The following SFXN3 variants were observed in gnomAD, a reference collection of about 807,000 sequenced individuals.
The protein encoded by SFXN3 is sideroflexin-3.
A neutral mutation model predicts 40.4 loss-of-function variants in SFXN3; 31 were observed. That is an observed-to-expected ratio of 0.77 (90% confidence interval 0.58 to 1.04). SFXN3 has a LOEUF of 1.04. Among genes scored for constraint, SFXN3 ranks in the 50% least tolerant of loss-of-function variants. The pLI is 0.00. For synonymous variants in SFXN3, 157 were observed against 160.0 expected (o/e 0.98, Z 0.14); for missense variants, 366 against 408.2 (o/e 0.90, Z 0.89).
intron 2 of SFXN3, 96 bp from the exon 3 acceptor site, chr10:101,034,596 A>C: frequency 1.5e-6 from 2 of 1,335,882 alleles, no homozygotes; most frequent in Non-Finnish European, 2.1e-6. Context: ...GACTGATGAT[A>C]AGCTCAGGGG....
chr10:101,033,656 C>G (rs185335964), intron 2 of SFXN3, among the ~76,000 whole-genome samples: 1 of 152,118 alleles, frequency 6.6e-6, no homozygotes, highest in South Asian at 2.1e-4. Flanking sequence ...AGGGGACCGG[C>G]GTTCAGCATA....
rs1938195372 is a variant in SFXN3, at chr10:101,031,545, A to G, written c.-173+11A>G. ...CTGTGTGGTGGCTGGGTGAGTTGTGAGTATGTGCGTGGCGGAGGGGGTGCC... is the reference window on the plus strand; with the variant it reads ...CTGTGTGGTGGCTGGGTGAGTTGTGGGTATGTGCGTGGCGGAGGGGGTGCC... On this transcript the variant is annotated intron_variant, in intron 1 of 11. Coordinates refer to ENST00000393459, the Ensembl canonical transcript of SFXN3. 1 of 152,250 alleles carries G rather than the reference A, an allele frequency of 6.6e-6. No homozygotes were observed. Among genetic ancestry groups the G allele is most frequent in the Non-Finnish European group, 1.5e-5 (1 of 68,174 alleles). 9.4% of individuals were successfully genotyped at this position (152,250 alleles called of 1,614,324 possible).
Position 101,035,777 on chromosome 10 carries a change from C to T in SFXN3, c.332+110C>T, listed in dbSNP as rs1029760318. ...GGTGAGTGAAAGATTGTGTCAGAAT[C>T]GCTTCCATTCCTCAGAATTCAGCCT... On this transcript the variant is annotated intron_variant, in intron 4 of 11. Transcript: ENST00000393459. 3.5e-5 allele frequency: 50 copies of T among 1,421,104 alleles called. No individual in the cohort carries two copies. The East Asian group carries it at 4.6e-4, about 13-fold the overall frequency. The allele number at this position is 1,421,104 out of a possible 1,614,324, so 88.0% of individuals were successfully genotyped here.
chr10:101,032,389 C>A, exon 2 of SFXN3: 2 of 1,429,290 alleles, frequency 1.4e-6, no homozygotes, highest in Non-Finnish European at 1.9e-6. Flanking sequence ...CGGCGTCACG[C>A]GTGACGTCCC....
chr10:101,035,547 A>G (rs1465109407), exon 4 of SFXN3: 1 of 1,613,762 alleles, frequency 6.2e-7, no homozygotes, highest in Admixed American at 1.7e-5. Flanking sequence ...TGGAGGGCCA[A>G]GTATGTGTAT....
rs1283110168 is a variant in SFXN3, at chr10:101,036,421, C to T, written c.432-65C>T. ...CATGTATTGAGGACTTGGCATATCC[C>T]TAAAGGAAAGGGCCACCTGCTGGAC... On this transcript the variant is annotated intron_variant, in intron 5 of 11. Transcript: ENST00000393459. This position sits in a 1 kb window ranked among gnomAD's most constrained non-coding sequence, Gnocchi z 4.2. The T allele has an allele frequency of 1.8e-5, 28 of 1,526,012 alleles. No homozygotes were observed. The highest frequency in any genetic ancestry group is 1.7e-4 in the Middle Eastern group (1 of 5,910). 94.5% of individuals were successfully genotyped at this position (1,526,012 alleles called of 1,614,324 possible). A position where few individuals can be genotyped will look rare whatever the true frequency, so the allele number is the denominator to read the frequency against.
At chr10:101,031,592 C>T (rs1938202088) in intron 1 of SFXN3, 58 bp downstream of exon 1, 1 of 109,306 alleles carries the variant, frequency 9.1e-6, no homozygotes, top group African/African-American at 3.9e-5. Context: ...CATCCTCCTC[C>T]TCTGTCAGAA....
intron 9 of SFXN3, chr10:101,037,915 C>A: frequency 1.1e-6 from 1 of 930,332 alleles, no homozygotes; most frequent in South Asian, 4.3e-5. Flanking sequence ...GCACTGAACA[C>A]AATGGTTATG....
exon 2 of SFXN3, chr10:101,032,351 C>T: frequency 8.1e-7 from 1 of 1,232,924 alleles, no homozygotes; most frequent in South Asian, 1.7e-5. Flanking sequence ...TGGGCGCGGC[C>T]GGGAAGCTCC....
intron 9 of SFXN3, chr10:101,038,100 T>C (rs1938706588): frequency 1.1e-5 from 3 of 268,274 alleles, no homozygotes; most frequent in Non-Finnish European, 1.8e-5. Context: ...AAGGGGTCTT[T>C]AATGCCGCAA....
Position 101,035,672 on chromosome 10 carries a change from G to C in SFXN3, c.332+5G>C. On this transcript the variant is annotated splice_donor_5th_base_variant and intron_variant, in intron 4 of 11. Transcript: ENST00000393459. ...CTGCATGCTCACATTCTACAGGCAG[G>C]TCTTGTCCCACGTCCCCTTCTTCAG... 1 of 1,605,580 alleles carries C rather than the reference G, an allele frequency of 6.2e-7. No homozygotes were observed. The highest frequency in any genetic ancestry group is 8.5e-7 in the Non-Finnish European group (1 of 1,175,202).
rs531491583 is a variant in SFXN3, at chr10:101,033,897, A to G, written c.-3-795A>G. 2.6e-5 allele frequency among the ~76,000 whole-genome samples: 4 copies of G among 152,204 alleles called. No homozygotes were observed. In the South Asian group the frequency reaches 8.3e-4, roughly 32 times the overall value. ...ATGTTTCTCTCCACCCAAACATCTC[A>G]GCGGAGTAAAGAATAACAAGGCAGC... On this transcript the variant is annotated intron_variant, in intron 2 of 11. Coordinates refer to ENST00000393459, the Ensembl canonical transcript of SFXN3.
chr10:101,037,284 G>C, intron 8 of SFXN3, 81 bp downstream of exon 8: 2 of 1,613,696 alleles, frequency 1.2e-6, no homozygotes, highest in Admixed American at 3.3e-5. Context: ...GAGGACTCTG[G>C]GGAGAGAGGG....
Position 101,039,188 on chromosome 10 carries a change from A to AC in SFXN3, c.841dup (p.Leu281ProfsTer27). Reference sequence around the variant, plus strand: ...TGTCTCCCCCAGCCTGGTATTTGCAACCCCCCTGTGCTGTGCCCTATTCCC... The same window carrying AC: ...TGTCTCCCCCAGCCTGGTATTTGCAACCCCCCCTGTGCTGTGCCCTATTCCC... On this transcript the variant is annotated frameshift_variant, in exon 11 of 12. Coordinates refer to ENST00000393459, the Ensembl canonical transcript of SFXN3. LOFTEE classifies it high-confidence loss of function. This position sits in a 1 kb window ranked among gnomAD's most constrained non-coding sequence, Gnocchi z 4.6. 6 of 1,610,734 alleles carry AC rather than the reference A, an allele frequency of 3.7e-6. No individual in the cohort carries two copies. In the South Asian group the frequency reaches 6.6e-5, roughly 18 times the overall value.
At chr10:101,033,680 C>T (rs1938439924) in intron 2 of SFXN3, among the ~76,000 whole-genome samples, 1 of 152,160 alleles carries the variant, frequency 6.6e-6, no homozygotes, top group Admixed American at 6.5e-5. Context: ...AGGATCTGCA[C>T]CGGCACCGGT....
At chr10:101,035,347 C>A in intron 3 of SFXN3, 150 bp from the exon 4 acceptor site, 1 of 859,294 alleles carries the variant, frequency 1.2e-6, no homozygotes, top group Non-Finnish European at 1.6e-6. Flanking sequence ...CTTTGGCCCT[C>A]TCCCAAAGAT....
In SFXN3 at chr10:101,032,501, C is replaced by G. The variant is rs532779183; in HGVS notation, c.-4+19C>G. 5 of 1,533,746 alleles carry G rather than the reference C, an allele frequency of 3.3e-6. No individual in the cohort carries two copies. Among genetic ancestry groups the G allele is most frequent in the African/African-American group, 1.4e-5 (1 of 71,110 alleles). ...GGAAAGCGTAAGTGCTCGCTCTCCC[C>G]GGCGGGCGGGGTTCTGGAATGGGGG... On this transcript the variant is annotated intron_variant, in intron 2 of 11. Coordinates refer to ENST00000393459, the Ensembl canonical transcript of SFXN3.
At chr10:101,032,692 C>T (rs1434908996) in intron 2 of SFXN3, among the ~76,000 whole-genome samples, 1 of 152,076 alleles carries the variant, frequency 6.6e-6, no homozygotes, top group Non-Finnish European at 1.5e-5. Flanking sequence ...GCACAGTGTG[C>T]GCCTGTAAAG....
intron 9 of SFXN3, chr10:101,037,639 A>G (rs2134209519): frequency 6.9e-7 from 1 of 1,441,182 alleles, no homozygotes; most frequent in South Asian, 1.5e-5. Flanking sequence ...GAGAGGACAA[A>G]GGAAGGAAAC....
Sources: gnomAD v4.1 joint callset for allele counts (sites outside exome capture counted in the v4.1 genomes callset) on GRCh38, gnomAD v4.1.1 for gene constraint, Gnocchi (gnomAD v3.1) non-coding constraint, MANE v1.5 for transcripts, NCBI Gene and HGNC (gene_info 2026-07-23, HGNC 2026-07-21) for gene names.